MTMR8: variants seen among roughly 807,000 people sequenced by gnomAD.
MTMR8 encodes the protein phosphatidylinositol-3,5-bisphosphate 3-phosphatase MTMR8.
MTMR8 carries 65 observed loss-of-function variants against 39.3 expected under a neutral mutation model. The observed-to-expected ratio is 1.65, with a 90% confidence interval of 1.35 to 2.03. The LOEUF (loss-of-function observed/expected upper bound fraction) is 2.03, where lower values mean the gene tolerates loss of function less well. Ranked by LOEUF, MTMR8 falls within the 30% of genes most tolerant of loss-of-function variation. The pLI is 0.00. For synonymous variants in MTMR8, 245 were observed against 185.2 expected, an observed-to-expected ratio of 1.32 and a Z score of -2.62; for missense variants, 777 against 538.9, an observed-to-expected ratio of 1.44 and a Z score of -4.37.
At chrX:64,373,169 G>A (rs1924173243) in intron 1 of MTMR8, among the ~76,000 whole-genome samples, 1 of 112,198 alleles carries the variant, frequency 8.9e-6, no homozygotes. Context: ...AAGACCACAT[G>A]GGTGGTTAAG....
chrX:64,296,844 T>A (rs1375090795), intron 12 of MTMR8, among the ~76,000 whole-genome samples: 1 of 101,441 alleles, frequency 9.9e-6, no homozygotes, highest in Non-Finnish European at 2.0e-5. Flanking sequence ...GGTTTTTTGT[T>A]CTTGCGATAG....
intron 1 of MTMR8, among the ~76,000 whole-genome samples, chrX:64,376,601 C>A (rs1432529024): frequency 8.9e-6 from 1 of 112,063 alleles, no homozygotes; most frequent in African/African-American, 3.3e-5. Flanking sequence ...TAACAGCATA[C>A]GCTCATATAT....
At chrX:64,354,116 A>C (rs1259514588) in intron 4 of MTMR8, among the ~76,000 whole-genome samples, 1 of 109,304 alleles carries the variant, frequency 9.1e-6, no homozygotes, top group Non-Finnish European at 1.9e-5. Context: ...AAAAAAAAAA[A>C]AAAAATGAAC....
chrX:64,303,445 A>G (rs1007279448), intron 12 of MTMR8, among the ~76,000 whole-genome samples: 2 of 112,203 alleles, frequency 1.8e-5, no homozygotes, highest in Non-Finnish European at 3.8e-5. Flanking sequence ...ATTTTTATCC[A>G]TTCTACAGTG....
chrX:64,331,786 G>A, intron 10 of MTMR8, 29 bp from the exon 11 acceptor site: 1 of 1,119,763 alleles, frequency 8.9e-7, no homozygotes, highest in Non-Finnish European at 1.2e-6. Context: ...GGTAAAGAAA[G>A]ACACTAGTTA....
rs1932921 is a variant in MTMR8 at position 64,358,654 on chromosome X, C to T, written c.147+751G>A. Among the ~76,000 whole-genome samples the T allele has an allele frequency of 6.4e-3, 709 of 110,906 alleles. 28 individuals carry two copies. The highest frequency in any genetic ancestry group is 0.063 in the Admixed American group (653 of 10,410). On this transcript the variant is annotated intron_variant, in intron 2 of 13. Transcript: ENST00000374852. The stretch of plus-strand genomic sequence containing the variant: ...CTAAAGCTTTAATCACTAAGCTATG[C>T]GGTATAAAAGAAGCATGTTGTACTT...
At chrX:64,304,108 T>C (rs1320565404) in intron 12 of MTMR8, among the ~76,000 whole-genome samples, 1 of 112,235 alleles carries the variant, frequency 8.9e-6, no homozygotes, top group African/African-American at 3.2e-5. Flanking sequence ...AGGGAAACCT[T>C]CCTGAAATGT....
intron 1 of MTMR8, among the ~76,000 whole-genome samples, chrX:64,392,011 G>T (rs1047931324): frequency 1.8e-5 from 2 of 111,921 alleles, no homozygotes; most frequent in Non-Finnish European, 3.8e-5. Flanking sequence ...TGACACAGAT[G>T]TAATGAGGGT....
chrX:64,349,161 C>T (rs1317861632), intron 5 of MTMR8, among the ~76,000 whole-genome samples: 1 of 111,786 alleles, frequency 8.9e-6, no homozygotes, highest in East Asian at 2.8e-4. Context: ...CTTGCGGAGG[C>T]AGCAGAATTC....
chrX:64,290,151 G>A (rs777663992), intron 12 of MTMR8, among the ~76,000 whole-genome samples: 13 of 110,488 alleles, frequency 1.2e-4, no homozygotes, highest in African/African-American at 4.3e-4. Context: ...ACCTAAAAAT[G>A]GTCAAGAAGG....
At chrX:64,357,225 G>A (rs1283780613) in intron 2 of MTMR8, among the ~76,000 whole-genome samples, 2 of 111,369 alleles carry the variant, frequency 1.8e-5, no homozygotes, top group Non-Finnish European at 3.8e-5. Context: ...GAGCCTGGAT[G>A]TGCTCTTTCC....
chrX:64,367,479 C>T (rs762974866), intron 1 of MTMR8, among the ~76,000 whole-genome samples: 2 of 112,001 alleles, frequency 1.8e-5, no homozygotes, highest in East Asian at 5.6e-4. Flanking sequence ...AAACTTAATC[C>T]ATCACATAAA....
intron 12 of MTMR8, among the ~76,000 whole-genome samples, chrX:64,294,179 C>T (rs1353181907): frequency 1.8e-5 from 2 of 111,652 alleles, no homozygotes; most frequent in Non-Finnish European, 3.8e-5. Flanking sequence ...AATAAGAGCA[C>T]CTTTTTATTG....
intron 12 of MTMR8, among the ~76,000 whole-genome samples, chrX:64,302,690 T>A (rs978295862): frequency 8.9e-6 from 1 of 112,617 alleles, no homozygotes; most frequent in African/African-American, 3.2e-5. Context: ...GCCAATTGTT[T>A]TAAATATAGC....
intron 1 of MTMR8, among the ~76,000 whole-genome samples, chrX:64,369,998 C>T (rs1241497261): frequency 9.0e-6 from 1 of 111,141 alleles, no homozygotes; most frequent in Non-Finnish European, 1.9e-5. Flanking sequence ...AAGATGCATT[C>T]TAATACAAAT....
Position 64,380,085 on chromosome X carries a change from G to A in MTMR8, c.24+15255C>T, listed in dbSNP as rs746179773. On this transcript the variant is annotated intron_variant, in intron 1 of 13. Coordinates refer to ENST00000374852, the MANE Select transcript of MTMR8 (RefSeq NM_017677.4). The stretch of plus-strand genomic sequence containing the variant: ...ACCTACAGATAACATCAGTGGCTTA[G>A]CCTCACAAACACAAACCTCCTTTCA... Among the ~76,000 whole-genome samples, 3 of 112,168 alleles carry A rather than the reference G, an allele frequency of 2.7e-5. No homozygotes were observed. In the South Asian group the frequency reaches 1.1e-3, roughly 41 times the overall value.
At chrX:64,350,353 C>A (rs901068511) in intron 4 of MTMR8, among the ~76,000 whole-genome samples, 1 of 110,260 alleles carries the variant, frequency 9.1e-6, no homozygotes, top group East Asian at 2.9e-4. Context: ...TATTTGTGTC[C>A]GTTCATATTA....
At chrX:64,317,441 C>A (rs942355557) in intron 12 of MTMR8, among the ~76,000 whole-genome samples, 1 of 111,461 alleles carries the variant, frequency 9.0e-6, no homozygotes, top group South Asian at 3.8e-4. Context: ...ATATCTCAAG[C>A]TCATGTATTC....
chrX:64,341,428 G>A (rs1362187660), intron 8 of MTMR8, among the ~76,000 whole-genome samples: 1 of 98,863 alleles, frequency 1.0e-5, no homozygotes, highest in African/African-American at 3.8e-5. Flanking sequence ...GCAGTGAACC[G>A]AGATCGTGCC....
Sources: allele counts gnomAD v4.1 joint callset (sites outside exome capture counted in the v4.1 genomes callset), GRCh38; gene constraint gnomAD v4.1.1; transcripts MANE v1.5; gene names NCBI Gene and HGNC (gene_info 2026-07-23, HGNC 2026-07-21).